Variants in SLCO5A1 observed in about 807,000 individuals in gnomAD.
SLCO5A1 encodes organic anion transporter polypeptide-related protein 4.
In SLCO5A1, 39 loss-of-function variants were observed where a neutral mutation model predicts 65.1. That is an observed-to-expected ratio of 0.60 (90% CI 0.46 to 0.78). The LOEUF (loss-of-function observed/expected upper bound fraction) is 0.78, where lower values mean the gene tolerates loss of function less well. SLCO5A1 is among the 30% of genes least tolerant of loss of function. The pLI is 0.00. For synonymous variants in SLCO5A1, 438 were observed against 415.7 expected, an observed-to-expected ratio of 1.05 and a Z score of -0.65; for missense variants, 1,029 against 1,069.4, an observed-to-expected ratio of 0.96 and a Z score of 0.53.
chr8:69,717,700 C>T (rs1031439580), intron 5 of SLCO5A1, among the ~76,000 whole-genome samples: 1 of 152,128 alleles, frequency 6.6e-6, no homozygotes, highest in African/African-American at 2.4e-5. Context: ...ATATTGACAT[C>T]CTAATAATAT....
intron 4 of SLCO5A1, among the ~76,000 whole-genome samples, chr8:69,749,789 G>A (rs765384535): frequency 3.1e-4 from 47 of 152,004 alleles, no homozygotes; most frequent in Non-Finnish European, 4.7e-4. Context: ...TCTCATTGGG[G>A]AGACAATAAA....
intron 5 of SLCO5A1, among the ~76,000 whole-genome samples, chr8:69,735,496 G>A (rs370648368): frequency 5.9e-5 from 9 of 152,232 alleles, no homozygotes; most frequent in African/African-American, 1.7e-4. Flanking sequence ...GCCATAAAAC[G>A]GAACAAAATC....
At chr8:69,757,316 C>CA (rs1051277836) in intron 3 of SLCO5A1, among the ~76,000 whole-genome samples, 3 of 151,880 alleles carry the variant, frequency 2.0e-5, no homozygotes, top group African/African-American at 7.3e-5. Context: ...ATTAGGTACT[C>CA]AAAAAAACAT....
intron 2 of SLCO5A1, among the ~76,000 whole-genome samples, chr8:69,784,101 A>ACT (rs1357905106): frequency 2.6e-5 from 4 of 152,210 alleles, no homozygotes; most frequent in Non-Finnish European, 5.9e-5. Context: ...CTACACCTAG[A>ACT]TTAAAGTCTA....
intron 2 of SLCO5A1, among the ~76,000 whole-genome samples, chr8:69,820,545 T>C (rs1820586851): frequency 6.6e-6 from 1 of 152,126 alleles, no homozygotes; most frequent in Non-Finnish European, 1.5e-5. Context: ...TCAAGATTGT[T>C]CCATAGGCTA....
intron 6 of SLCO5A1, among the ~76,000 whole-genome samples, chr8:69,695,483 G>A (rs977566583): frequency 4.6e-5 from 7 of 151,860 alleles, no homozygotes; most frequent in Non-Finnish European, 7.4e-5. Flanking sequence ...ATGACAGAGC[G>A]AGATTCCGTC....
At chr8:69,722,776 G>GGTGT (rs56353428) in intron 5 of SLCO5A1, among the ~76,000 whole-genome samples, 15,974 of 147,844 alleles carry the variant, frequency 0.11, 937 homozygotes, top group South Asian at 0.15. Flanking sequence ...ACACATGCAT[G>GGTGT]GTGTGTGTGT....
intron 2 of SLCO5A1, among the ~76,000 whole-genome samples, chr8:69,797,844 G>GTCCTGTGA (rs1413583722): frequency 6.6e-6 from 1 of 152,154 alleles, no homozygotes; most frequent in Non-Finnish European, 1.5e-5. Flanking sequence ...CGGTCCTGTG[G>GTCCTGTGA]TCCTGTGATC....
intron 2 of SLCO5A1, among the ~76,000 whole-genome samples, chr8:69,787,781 A>G (rs571096331): frequency 1.2e-4 from 18 of 152,292 alleles, no homozygotes; most frequent in Middle Eastern, 3.4e-3. Context: ...GCAGTGGAAA[A>G]CCATTATGAG....
intron 4 of SLCO5A1, among the ~76,000 whole-genome samples, chr8:69,753,737 A>G (rs147763111): frequency 0.011 from 1,610 of 152,154 alleles, 30 homozygotes; most frequent in African/African-American, 0.037. Flanking sequence ...CTGGCCAGGC[A>G]TGGTGGCTCA....
intron 2 of SLCO5A1, among the ~76,000 whole-genome samples, chr8:69,772,547 G>A (rs1818364582): frequency 7.3e-6 from 1 of 137,382 alleles, no homozygotes; most frequent in South Asian, 2.4e-4. Flanking sequence ...AAAAAGGAGG[G>A]AAGGAGGGAG....
chr8:69,807,836 T>A (rs1563736105), intron 2 of SLCO5A1, among the ~76,000 whole-genome samples: 1 of 152,198 alleles, frequency 6.6e-6, no homozygotes. Flanking sequence ...CCCGAGTAGC[T>A]GGGACTACAG....
chr8:69,684,845 CTACAA>C (rs1257102607), intron 6 of SLCO5A1, among the ~76,000 whole-genome samples: 1 of 152,142 alleles, frequency 6.6e-6, no homozygotes, highest in Non-Finnish European at 1.5e-5. Flanking sequence ...GCCTGCATCA[CTACAA>C]TGCACAGGAA....
chr8:69,795,831 G>A (rs1324497660), intron 2 of SLCO5A1, among the ~76,000 whole-genome samples: 2 of 152,216 alleles, frequency 1.3e-5, no homozygotes, highest in Non-Finnish European at 2.9e-5. Context: ...GGACATTCAG[G>A]CTTTACCAAA....
chr8:69,681,420 C>T (rs1267886698), intron 7 of SLCO5A1, among the ~76,000 whole-genome samples: 2 of 152,032 alleles, frequency 1.3e-5, no homozygotes, highest in East Asian at 1.9e-4. Context: ...ATGGAGAAAC[C>T]CCGTCTCTAC....
chr8:69,785,097 G>C (rs991522228), intron 2 of SLCO5A1, among the ~76,000 whole-genome samples: 15 of 150,152 alleles, frequency 1.0e-4, no homozygotes, highest in Non-Finnish European at 3.0e-5. Flanking sequence ...AGGGAAGGAC[G>C]GAGAGAGAGA....
intron 2 of SLCO5A1, among the ~76,000 whole-genome samples, chr8:69,769,984 A>G (rs945809705): frequency 2.6e-5 from 4 of 152,232 alleles, no homozygotes; most frequent in African/African-American, 9.6e-5. Flanking sequence ...CACAGTGACA[A>G]TAACAATAGT....
At chr8:69,710,466 T>C (rs541514259) in intron 5 of SLCO5A1, among the ~76,000 whole-genome samples, 1 of 152,156 alleles carries the variant, frequency 6.6e-6, no homozygotes, top group East Asian at 1.9e-4. Context: ...CAGCGACCTC[T>C]TACACCCAAT....
chr8:69,679,568 G>T lies in SLCO5A1; in HGVS notation c.1834C>A (p.Pro612Thr). The T allele has an allele frequency of 6.2e-7, 1 of 1,614,160 alleles. No homozygotes were observed. The highest frequency in any genetic ancestry group is 1.3e-5 in the African/African-American group (1 of 75,028). ...TCVQSRQVIT[P>T]PTVGQRSQLR... ...TGACTTCGCTGTCCCACGGTGGGTG[G>T]AGTGATCACTTGGCGACTTTGGACA... Residue 612 changes from proline (P) to threonine (T), a missense_variant, in exon 8 of 10, where the codon CCA (proline) becomes ACA (threonine). Around this residue, in one of 3 missense-constraint regions of SLCO5A1, gnomAD observed 124 missense variants for 184.5 expected, o/e 0.67. Coordinates refer to ENST00000260126, the MANE Select transcript of SLCO5A1 (RefSeq NM_030958.3).
Sources: allele counts gnomAD v4.1 joint callset (sites outside exome capture counted in the v4.1 genomes callset), GRCh38; gene constraint gnomAD v4.1.1; regional missense constraint gnomAD v4.1.1; transcripts MANE v1.5; gene names NCBI Gene and HGNC (gene_info 2026-07-23, HGNC 2026-07-21).